Variants in PRELID2 observed in about 807,000 individuals in gnomAD.
PRELID2 encodes the protein PRELI domain-containing protein 2.
PRELID2 carries 25 observed loss-of-function variants against 28.4 expected under a neutral mutation model. That is an observed-to-expected ratio of 0.88 (90% CI 0.64 to 1.23). PRELID2 has a LOEUF of 1.23. Ranked by LOEUF, PRELID2 falls within the 50% of genes most tolerant of loss-of-function variation. The pLI is 0.00. For synonymous variants in PRELID2, 76 were observed against 71.6 expected, an observed-to-expected ratio of 1.06 and a Z score of -0.31; for missense variants, 201 against 214.4, an observed-to-expected ratio of 0.94 and a Z score of 0.39.
chr5:145,822,164 T>C (rs979389439), intron 2 of PRELID2, among the ~76,000 whole-genome samples: 1 of 152,178 alleles, frequency 6.6e-6, no homozygotes. Context: ...TAGGCCCCAG[T>C]GTCCCCAAAG....
chr5:145,832,384 C>T (rs570454339), intron 1 of PRELID2, among the ~76,000 whole-genome samples: 1 of 152,166 alleles, frequency 6.6e-6, no homozygotes, highest in South Asian at 2.1e-4. Context: ...GGTATTTCAC[C>T]ATGTTAGCCA....
intron 1 of PRELID2, among the ~76,000 whole-genome samples, chr5:145,488,259 C>T (rs1184321210): frequency 1.3e-5 from 2 of 152,086 alleles, no homozygotes; most frequent in Admixed American, 6.6e-5. Flanking sequence ...TATTTCTCCA[C>T]CATATGGAGA....
At chr5:145,443,710 C>CA in the PRELID2 span, among the ~76,000 whole-genome samples, 4 of 152,008 alleles carry the variant, frequency 2.6e-5, no homozygotes, top group South Asian at 8.3e-4. Context: ...TTTGAGCTCT[C>CA]AAAAATGCCG....
chr5:145,426,655 C>G, the PRELID2 span, among the ~76,000 whole-genome samples: 2 of 152,082 alleles, frequency 1.3e-5, no homozygotes, highest in Non-Finnish European at 1.5e-5. Flanking sequence ...TCTTGTGTGA[C>G]TTTTCCTATT....
chr5:145,714,255 G>T (rs1755783898), intron 1 of PRELID2, among the ~76,000 whole-genome samples: 1 of 152,098 alleles, frequency 6.6e-6, no homozygotes, highest in African/African-American at 2.4e-5. Flanking sequence ...GTTTATGTTA[G>T]AATTAAATAA....
At chr5:145,241,903 T>A in the PRELID2 span, among the ~76,000 whole-genome samples, 2 of 151,920 alleles carry the variant, frequency 1.3e-5, no homozygotes, top group Admixed American at 6.6e-5. Flanking sequence ...GAGGAAACAT[T>A]CTTTGGGAAA....
At chr5:145,297,353 C>A in the PRELID2 span, among the ~76,000 whole-genome samples, 3 of 151,808 alleles carry the variant, frequency 2.0e-5, no homozygotes, top group Non-Finnish European at 2.9e-5. Flanking sequence ...ATAAACAGAA[C>A]CAAAGACAAA....
At chr5:145,659,008 A>G (rs1010613435) in intron 1 of PRELID2, among the ~76,000 whole-genome samples, 4 of 152,192 alleles carry the variant, frequency 2.6e-5, no homozygotes, top group African/African-American at 9.6e-5. Context: ...ATGAGAACTC[A>G]AGGCAGAAAG....
intron 1 of PRELID2, among the ~76,000 whole-genome samples, chr5:145,672,552 G>C (rs1754729607): frequency 6.7e-6 from 1 of 150,356 alleles, no homozygotes; most frequent in Non-Finnish European, 1.5e-5. Context: ...ATTTCCTCCT[G>C]TATAGCCACC....
At chr5:145,267,781 A>C in the PRELID2 span, among the ~76,000 whole-genome samples, 1 of 152,156 alleles carries the variant, frequency 6.6e-6, no homozygotes, top group African/African-American at 2.4e-5. Context: ...CTAACAGTGT[A>C]CAAAGGTTGC....
the PRELID2 span, among the ~76,000 whole-genome samples, chr5:145,269,439 T>C: frequency 2.2e-3 from 341 of 152,090 alleles, no homozygotes; most frequent in Admixed American, 2.9e-3. Context: ...TGGCTATCCA[T>C]ATAGGAAAAA....
At position 145,487,875 on chromosome 5, in the gene PRELID2, AG is replaced by A. The variant is rs535673750; in HGVS notation, n.71-14561del. On this transcript the variant is annotated intron_variant and non_coding_transcript_variant, in intron 1 of 2. Transcript: ENST00000510259. ...GCGCGTGGCTCATGCCTGTAATCCC[AG>A]GACTTTGGGAGGCTGAGGTGGGTGG... 2.4e-3 allele frequency among the ~76,000 whole-genome samples: 358 copies of A among 152,016 alleles called. 2 individuals carry two copies. Among genetic ancestry groups the A allele is most frequent in the African/African-American group, 8.1e-3 (338 of 41,484 alleles).
At chr5:145,600,640 C>T (rs1018220081) in intron 1 of PRELID2, among the ~76,000 whole-genome samples, 1 of 151,788 alleles carries the variant, frequency 6.6e-6, no homozygotes, top group South Asian at 2.1e-4. Context: ...AGGAAAAACT[C>T]TCGATTTAGA....
chr5:145,321,162 T>G, the PRELID2 span, among the ~76,000 whole-genome samples: 2,300 of 152,310 alleles, frequency 0.015, 51 homozygotes, highest in African/African-American at 0.052. Context: ...ACAGTAGCTG[T>G]GTTAGTAATT....
chr5:145,335,176 C>T, the PRELID2 span, among the ~76,000 whole-genome samples: 5 of 151,714 alleles, frequency 3.3e-5, no homozygotes, highest in South Asian at 2.1e-4. Flanking sequence ...TCTTTTTTCT[C>T]CTCTGACTGA....
At chr5:145,570,572 C>A (rs1753007137) in intron 1 of PRELID2, among the ~76,000 whole-genome samples, 1 of 152,194 alleles carries the variant, frequency 6.6e-6, no homozygotes, top group African/African-American at 2.4e-5. Context: ...GCAGTAACTT[C>A]TTTCCTCTGT....
At chr5:145,810,731 C>G (rs1182495234) in intron 4 of PRELID2, among the ~76,000 whole-genome samples, 1 of 152,066 alleles carries the variant, frequency 6.6e-6, no homozygotes, top group Non-Finnish European at 1.5e-5. Flanking sequence ...CCACTATGGG[C>G]TGGCACTATT....
At chr5:145,798,168 T>G (rs1333288229) in intron 4 of PRELID2, among the ~76,000 whole-genome samples, 2 of 151,870 alleles carry the variant, frequency 1.3e-5, no homozygotes, top group East Asian at 3.9e-4. Flanking sequence ...TTGAAATTAT[T>G]GAGTCAGGAA....
At chr5:145,376,120 A>T in the PRELID2 span, among the ~76,000 whole-genome samples, 1 of 152,152 alleles carries the variant, frequency 6.6e-6, no homozygotes, top group East Asian at 1.9e-4. Context: ...GTTAAAATTT[A>T]TCAGAAGCCT....
Sources: gnomAD v4.1 joint callset for allele counts (sites outside exome capture counted in the v4.1 genomes callset) on GRCh38, gnomAD v4.1.1 for gene constraint, MANE v1.5 for transcripts, NCBI Gene and HGNC (gene_info 2026-07-23, HGNC 2026-07-21) for gene names.